Variants in ACAA1 observed in about 807,000 individuals in gnomAD.
ACAA1 encodes the protein acetyl-CoA acyltransferase 1, also known as 3-ketoacyl-CoA thiolase, peroxisomal.
In ACAA1, 44 loss-of-function variants were observed where a neutral mutation model predicts 48.8. That is an observed-to-expected ratio of 0.90 (90% CI 0.71 to 1.16). The LOEUF (loss-of-function observed/expected upper bound fraction) is 1.16. Among genes scored for constraint, ACAA1 ranks in the 50% most tolerant of loss-of-function variants. The pLI is 0.00. For synonymous variants in ACAA1, 233 were observed against 226.5 expected (o/e 1.03, Z -0.26); for missense variants, 512 against 562.3 (o/e 0.91, Z 0.90).
intron 7 of ACAA1, 53 bp downstream of exon 7, chr3:38,127,733 C>T: frequency 5.7e-6 from 9 of 1,585,044 alleles, no homozygotes; most frequent in Non-Finnish European, 6.9e-6. Flanking sequence ...CTTAGATAGA[C>T]TCAAAACCTC....
chr3:38,126,814 T>C lies in ACAA1; in HGVS notation c.627-114A>G. On this transcript the variant is annotated intron_variant, in intron 7 of 11. Transcript: ENST00000333167. The surrounding 1 kb of genome is among the most constrained non-coding windows in gnomAD (Gnocchi z 4.7). ...GCTCAGGCTGCTAAATTCAGGGACA[T>C]GCTCGACTTTGGGGGAGCTCTGAGG... The C allele has an allele frequency of 7.7e-7, 1 of 1,300,506 alleles. No homozygotes were observed. The highest frequency in any genetic ancestry group is 1.1e-6 in the Non-Finnish European group (1 of 937,304). The allele number at this position is 1,300,506 out of a possible 1,614,324, so 80.6% of individuals were successfully genotyped here.
At chr3:38,130,826 G>T (rs1700771905) in intron 5 of ACAA1, among the ~76,000 whole-genome samples, 1 of 152,238 alleles carries the variant, frequency 6.6e-6, no homozygotes, top group African/African-American at 2.4e-5. Flanking sequence ...ACAGCCCTGG[G>T]ACAGGGGCCA....
chr3:38,126,921 G>GA lies in ACAA1; in HGVS notation c.627-222dup, dbSNP rs1461264837. 6.6e-6 allele frequency among the ~76,000 whole-genome samples: 1 copy of GA among 152,196 alleles called. No individual in the cohort carries two copies. Among genetic ancestry groups the GA allele is most frequent in the East Asian group, 1.9e-4 (1 of 5,180 alleles). Reference sequence around the variant, plus strand: ...TGGCCAATCCCAACCTCAAAGGGGGGAAAGGGTGTTTGGAAGTGGTGCCTC... The same window carrying GA: ...TGGCCAATCCCAACCTCAAAGGGGGGAAAAGGGTGTTTGGAAGTGGTGCCTC... On this transcript the variant is annotated intron_variant, in intron 7 of 11. Transcript: ENST00000333167. This position sits in a 1 kb window ranked among gnomAD's most constrained non-coding sequence, Gnocchi z 4.7.
chr3:38,127,693 G>A lies in ACAA1; in HGVS notation c.626+93C>T. ...CCTGGAAAGCACTCACTGCCCAGCA[G>A]TAACCACGAAATGGTGCCACTTCAG... On this transcript the variant is annotated intron_variant, in intron 7 of 11. Coordinates refer to ENST00000333167, the MANE Select transcript of ACAA1 (RefSeq NM_001607.4). The A allele has an allele frequency of 3.7e-6, 5 of 1,352,742 alleles. No individual in the cohort carries two copies. In the South Asian group the frequency reaches 6.0e-5, roughly 16 times the overall value. The allele number at this position is 1,352,742 out of a possible 1,614,324, so 83.8% of individuals were successfully genotyped here. A position where few individuals can be genotyped will look rare whatever the true frequency, so the allele number is the denominator to read the frequency against.
Position 38,136,933 on chromosome 3 carries a change from C to T in ACAA1, c.103G>A (p.Ala35Thr), listed in dbSNP as rs1372716599. The T allele has an allele frequency of 2.6e-6, 4 of 1,540,782 alleles. No individual in the cohort carries two copies. Among genetic ancestry groups the T allele is most frequent in the Non-Finnish European group, 3.5e-6 (4 of 1,145,810 alleles). Residue 35 changes from alanine (A) to threonine (T), a missense_variant, in exon 1 of 12, where the codon GCC (alanine) becomes ACC (threonine). Coordinates refer to ENST00000333167, the MANE Select transcript of ACAA1 (RefSeq NM_001607.4). ...PCLSGAPQAS[A>T]ADVVVVHGRR... ...CCGTGCACCACCACCACGTCCGCGG[C>T]CGAGGCCTGCGGGGCACCGCTCAGG...
intron 5 of ACAA1, among the ~76,000 whole-genome samples, chr3:38,130,193 C>A (rs146149776): frequency 3.9e-5 from 6 of 152,306 alleles, no homozygotes; most frequent in East Asian, 1.9e-4. Context: ...CATGGGGGAC[C>A]CTAACACCTC....
At chr3:38,132,101 AT>A in intron 3 of ACAA1, 96 bp from the exon 4 acceptor site, 1 of 1,128,958 alleles carries the variant, frequency 8.9e-7, no homozygotes, top group Non-Finnish European at 1.3e-6. Flanking sequence ...CCCTCAAGGG[AT>A]GTAAAGGGCA....
At chr3:38,128,103 T>G (rs1700714961) in intron 6 of ACAA1, among the ~76,000 whole-genome samples, 1 of 152,130 alleles carries the variant, frequency 6.6e-6, no homozygotes, top group Non-Finnish European at 1.5e-5. Flanking sequence ...CCTGAGAAGC[T>G]CATACACCAA....
intron 2 of ACAA1, chr3:38,134,381 A>C: frequency 2.4e-6 from 1 of 423,752 alleles, no homozygotes; most frequent in Non-Finnish European, 4.6e-6. Context: ...TGGAACAGTG[A>C]TTGCCGACCT....
intron 5 of ACAA1, among the ~76,000 whole-genome samples, chr3:38,131,258 T>C (rs1210166468): frequency 6.6e-6 from 1 of 152,192 alleles, no homozygotes; most frequent in African/African-American, 2.4e-5. Flanking sequence ...GCAACTTCTC[T>C]CTCAGCAGCA....
At position 38,126,581 on chromosome 3, in the gene ACAA1, C is replaced by T. The variant is rs115896366; in HGVS notation, c.746G>A (p.Arg249His). 25 of 1,614,192 alleles carry T rather than the reference C, an allele frequency of 1.5e-5. No homozygotes were observed. Among genetic ancestry groups the T allele is most frequent in the Non-Finnish European group, 1.9e-5 (23 of 1,180,030 alleles). Residue 249 changes from arginine (R) to histidine (H), a missense_variant, in exon 8 of 12, where the codon CGC becomes CAC. By Grantham distance (29) the Arg-to-His change is conservative. Coordinates refer to ENST00000333167, the MANE Select transcript of ACAA1 (RefSeq NM_001607.4). This position sits in a 1 kb window ranked among gnomAD's most constrained non-coding sequence, Gnocchi z 4.7. The stretch of plus-strand genomic sequence containing the variant: ...CAGGCCCTCCATGGTGGTGCTGGGG[C>T]GGATACCCTCATCCTGGGTCACAGT... ...SITVTQDEGI[R>H]PSTTMEGLAK...
intron 11 of ACAA1, chr3:38,123,331 A>G (rs1290790425): frequency 6.9e-6 from 4 of 576,112 alleles, no homozygotes; most frequent in Middle Eastern, 3.0e-4. Flanking sequence ...CTGGCCCTTA[A>G]GGAAAACAGG....
At chr3:38,134,139 A>G in intron 2 of ACAA1, 130 bp from the exon 3 acceptor site, 1 of 838,924 alleles carries the variant, frequency 1.2e-6, no homozygotes, top group Non-Finnish European at 1.9e-6. Context: ...GCTCACTTGC[A>G]ACTCTGGAAC....
At position 38,126,048 on chromosome 3, in the gene ACAA1, C is replaced by T; in HGVS notation, c.997+114G>A. The T allele has an allele frequency of 6.9e-7, 1 of 1,453,394 alleles. No individual in the cohort carries two copies. The highest frequency in any genetic ancestry group is 9.4e-7 in the Non-Finnish European group (1 of 1,059,410). The allele number at this position is 1,453,394 out of a possible 1,614,324, so 90.0% of individuals were successfully genotyped here. On this transcript the variant is annotated intron_variant, in intron 9 of 11. Coordinates refer to ENST00000333167, the MANE Select transcript of ACAA1 (RefSeq NM_001607.4). This position sits in a 1 kb window ranked among gnomAD's most constrained non-coding sequence, Gnocchi z 4.7. Reference sequence around the variant, plus strand: ...CTTGAAGTATGGGACACTAGCCTGCCCCACCTCCACTCTGCAGCACCCACA... The same window carrying T: ...CTTGAAGTATGGGACACTAGCCTGCTCCACCTCCACTCTGCAGCACCCACA...
intron 3 of ACAA1, among the ~76,000 whole-genome samples, chr3:38,133,076 A>C (rs1575265482): frequency 6.6e-6 from 1 of 152,152 alleles, no homozygotes; most frequent in Non-Finnish European, 1.5e-5. Flanking sequence ...CTACTGCTGG[A>C]GAGGAAGGGG....
At position 38,129,175 on chromosome 3, in the gene ACAA1, C is replaced by T. The variant is rs1197546281; in HGVS notation, c.545+115G>A. 5 of 899,580 alleles carry T rather than the reference C, an allele frequency of 5.6e-6. No individual in the cohort carries two copies. In the African/African-American group the frequency reaches 6.7e-5, roughly 12 times the overall value. 55.7% of individuals were successfully genotyped at this position (899,580 alleles called of 1,614,324 possible). ...CAAAGTCCCTGCGGAGCAGACCATG[C>T]CCAAAGGAAGGAGGCCAAGGCTTGG... On this transcript the variant is annotated intron_variant, in intron 6 of 11. Transcript: ENST00000333167. The surrounding 1 kb of genome is among the most constrained non-coding windows in gnomAD (Gnocchi z 5.3).
At chr3:38,131,456 CAT>C in intron 5 of ACAA1, 138 bp downstream of exon 5, 1 of 816,826 alleles carries the variant, frequency 1.2e-6, no homozygotes, top group Non-Finnish European at 2.1e-6. Flanking sequence ...TCTTAACCTG[CAT>C]TTGTGAGAAC....
In ACAA1 at chr3:38,126,388, G is replaced by A; in HGVS notation, c.818-47C>T. ...AAGAAGGCATCGGGGTGGGGATGAG[G>A]AGATCCCAGCCCTCCCACTTCTACT... On this transcript the variant is annotated intron_variant, in intron 8 of 11. Coordinates refer to ENST00000333167, the MANE Select transcript of ACAA1 (RefSeq NM_001607.4). This position sits in a 1 kb window ranked among gnomAD's most constrained non-coding sequence, Gnocchi z 4.7. 1 of 1,605,872 alleles carries A rather than the reference G, an allele frequency of 6.2e-7. No homozygotes were observed. The highest frequency in any genetic ancestry group is 8.5e-7 in the Non-Finnish European group (1 of 1,175,032).
chr3:38,132,009 A>C lies in ACAA1; in HGVS notation c.324-4T>G, dbSNP rs766261453. 1 of 1,612,396 alleles carries C rather than the reference A, an allele frequency of 6.2e-7. No individual in the cohort carries two copies. The highest frequency in any genetic ancestry group is 2.2e-5 in the East Asian group (1 of 44,850). On this transcript the variant is annotated splice_region_variant and splice_polypyrimidine_tract_variant and intron_variant, in intron 3 of 11. Transcript: ENST00000333167. ...AGGCACAGTCTCCGGGATGTCACTGAAACAGAAGGTGAGAAAGTAGAATCA... is the reference window on the plus strand; with the variant it reads ...AGGCACAGTCTCCGGGATGTCACTGCAACAGAAGGTGAGAAAGTAGAATCA...
Sources: gnomAD v4.1 joint callset for allele counts (sites outside exome capture counted in the v4.1 genomes callset) on GRCh38, gnomAD v4.1.1 for gene constraint, Gnocchi (gnomAD v3.1) non-coding constraint, MANE v1.5 for transcripts, NCBI Gene and HGNC (gene_info 2026-07-23, HGNC 2026-07-21) for gene names.